The following NDUFB8 variants were observed in gnomAD, a reference collection of about 807,000 sequenced individuals.
NDUFB8 encodes the protein NADH:ubiquinone oxidoreductase subunit B8.
A neutral mutation model predicts 26.0 loss-of-function variants in NDUFB8; 17 were observed. The ratio of observed to expected loss-of-function variants is 0.65; its 90% CI spans 0.45 to 0.98. The LOEUF (loss-of-function observed/expected upper bound fraction) is 0.98, where lower values mean the gene tolerates loss of function less well. Ranked by LOEUF, NDUFB8 falls within the 50% of genes least tolerant of loss-of-function variation. NDUFB8 has a pLI of 0.00. For missense variants in NDUFB8, 238 were observed against 255.0 expected, an observed-to-expected ratio of 0.93 and a Z score of 0.45; for synonymous variants, 89 against 93.1, an observed-to-expected ratio of 0.96 and a Z score of 0.25.
chr10:100,526,873 G>A (rs1467038393), intron 3 of NDUFB8, 102 bp downstream of exon 3: 4 of 1,137,140 alleles, frequency 3.5e-6, no homozygotes, highest in African/African-American at 1.5e-5. Flanking sequence ...TCCTTGAGCA[G>A]GAAAGCTTAG....
rs371943326 is a variant in NDUFB8, at chr10:100,527,005, C to G, written c.282G>C (p.Gln94His). ...CACCCCAGTTCAACCTCAGGCCCGG[C>G]TGGTCCCAGCTATACCATGGATCTC... is the stretch of plus-strand genomic sequence containing the variant. ...HERDPWYSWD[Q>H]PGLRLNWGEP... is the part of the protein sequence containing the mutation. The change falls in exon 3 of 5, where the codon CAG becomes CAC. Residue 94 changes from glutamine to histidine, a missense_variant. Physicochemically the swap from Gln to His is conservative, Grantham distance 24. Coordinates refer to ENST00000299166, the MANE Select transcript of NDUFB8 (RefSeq NM_005004.4). The G allele has an allele frequency of 1.9e-6, 3 of 1,614,176 alleles. No individual in the cohort carries two copies. The highest frequency in any genetic ancestry group is 1.1e-5 in the South Asian group (1 of 91,074).
At position 100,523,841 on chromosome 10, in the gene NDUFB8, A is replaced by G. The variant is rs1353153402; in HGVS notation, c.557T>C (p.Ile186Thr). The change falls in exon 5 of 5, where the codon ATC (isoleucine) becomes ACC (threonine). Residue 186 changes from isoleucine to threonine, a missense_variant. By Grantham distance (89) the Ile-to-Thr change is moderately conservative (BLOSUM62 -1). Coordinates refer to ENST00000299166, the MANE Select transcript of NDUFB8 (RefSeq NM_005004.4). ...KEPERVVHYE[I>T] ...CCAAAAGCCCACGAAGCCTCCTCAG[A>G]TCTCATAGTGAACCACCCGCTCTGG... 6.2e-7 allele frequency: 1 copy of G among 1,613,922 alleles called. No individual in the cohort carries two copies. The highest frequency in any genetic ancestry group is 8.5e-7 in the Non-Finnish European group (1 of 1,179,954).
chr10:100,529,438 C>G lies in NDUFB8; in HGVS notation c.154G>C (p.Ala52Pro). Residue 52 changes from alanine to proline, a missense_variant, in exon 2 of 5, where the codon GCC becomes CCC. Transcript: ENST00000299166. Reference sequence around the variant, plus strand: ...TCCACACGCATATTATACTTCTTGGCGGCGGCGGCCCGTTCTTCTGGGGTC... The same window carrying G: ...TCCACACGCATATTATACTTCTTGGGGGCGGCGGCCCGTTCTTCTGGGGTC... ...PRTPEERAAA[A>P]KKYNMRVEDY... The G allele has an allele frequency of 6.2e-7, 1 of 1,612,544 alleles. No homozygotes were observed. Among genetic ancestry groups the G allele is most frequent in the Non-Finnish European group, 8.5e-7 (1 of 1,179,568 alleles).
intron 2 of NDUFB8, among the ~76,000 whole-genome samples, chr10:100,528,576 C>A (rs1202109454): frequency 6.6e-6 from 1 of 152,200 alleles, no homozygotes; most frequent in Non-Finnish European, 1.5e-5. Flanking sequence ...CTCATGGGAC[C>A]TCTTGCTAAG....
rs76195767 is a variant in NDUFB8, at chr10:100,524,680, G to A, written c.469-751C>T. Among the ~76,000 whole-genome samples the A allele has an allele frequency of 7.8e-3, 1,183 of 152,324 alleles. 26 individuals are homozygous for A. The highest frequency in any genetic ancestry group is 0.027 in the African/African-American group (1,107 of 41,562). On this transcript the variant is annotated intron_variant, in intron 4 of 4. Coordinates refer to ENST00000299166, the MANE Select transcript of NDUFB8 (RefSeq NM_005004.4). The surrounding 1 kb of genome is among the most constrained non-coding windows in gnomAD (Gnocchi z 4.0). Reference sequence around the variant, plus strand: ...TACCTTCAGGACATTGATTGTCTCTGCAGAGGTAGCACTGGGCAGCCAACT... The same window carrying A: ...TACCTTCAGGACATTGATTGTCTCTACAGAGGTAGCACTGGGCAGCCAACT...
At chr10:100,525,716 ACG>A (rs1491220862) in intron 4 of NDUFB8, among the ~76,000 whole-genome samples, 12 of 73,716 alleles carry the variant, frequency 1.6e-4, no homozygotes, top group Admixed American at 9.7e-4. Flanking sequence ...CTAAGCACAT[ACG>A]TGTGTGTGTG....
chr10:100,525,103 T>C (rs1852020814), intron 4 of NDUFB8, among the ~76,000 whole-genome samples: 1 of 152,168 alleles, frequency 6.6e-6, no homozygotes, highest in African/African-American at 2.4e-5. Flanking sequence ...TCTGGAACCC[T>C]ACTGTGATGC....
rs56705301 is a variant in NDUFB8 at position 100,525,615 on chromosome 10, C to CGT, written c.468+782_468+783dup. On this transcript the variant is annotated intron_variant, in intron 4 of 4. Transcript: ENST00000299166. ...TTCTCCAACTTCCCACCACCCAAAG[C>CGT]GTGTGTGTGTGTGTGTGTGTGTGTG... Among the ~76,000 whole-genome samples the CGT allele has an allele frequency of 2.3e-3, 229 of 100,154 alleles. 8 individuals are homozygous for CGT. The highest frequency in any genetic ancestry group is 6.7e-3 in the African/African-American group (177 of 26,242). 65.7% of individuals were successfully genotyped at this position (100,154 alleles called of 152,430 possible).
intron 2 of NDUFB8, among the ~76,000 whole-genome samples, chr10:100,528,743 G>A (rs533236575): frequency 6.6e-6 from 1 of 152,302 alleles, no homozygotes; most frequent in South Asian, 2.1e-4. Context: ...CTGAAACCAA[G>A]ATTGAAAGAG....
At chr10:100,527,377 C>T (rs1363500735) in intron 2 of NDUFB8, among the ~76,000 whole-genome samples, 1 of 152,120 alleles carries the variant, frequency 6.6e-6, no homozygotes, top group Non-Finnish European at 1.5e-5. Context: ...CTGAGGTGGG[C>T]AGATCACCTA....
chr10:100,525,626 G>A (rs1214469777), intron 4 of NDUFB8, among the ~76,000 whole-genome samples: 1 of 67,060 alleles, frequency 1.5e-5, no homozygotes, highest in Admixed American at 1.4e-4. Context: ...GTGTGTGTGT[G>A]TGTGTGTGTG....
At chr10:100,529,667 A>AC in intron 1 of NDUFB8, 100 bp downstream of exon 1, 1 of 1,539,090 alleles carries the variant, frequency 6.5e-7, no homozygotes, top group East Asian at 2.3e-5. Flanking sequence ...TCCACTCCCT[A>AC]CCCGGAGGCT....
Position 100,524,466 on chromosome 10 carries a change from C to T in NDUFB8, c.469-537G>A, listed in dbSNP as rs1475269608. On this transcript the variant is annotated intron_variant, in intron 4 of 4. Coordinates refer to ENST00000299166, the MANE Select transcript of NDUFB8 (RefSeq NM_005004.4). This position sits in a 1 kb window ranked among gnomAD's most constrained non-coding sequence, Gnocchi z 4.0. ...GCTGGCTTTACCAACAAACAGCTGT[C>T]AGAGAACACAGCTCAAGGGGAGGAG... 6.6e-6 allele frequency among the ~76,000 whole-genome samples: 1 copy of T among 152,014 alleles called. No homozygotes were observed. The highest frequency in any genetic ancestry group is 1.5e-5 in the Non-Finnish European group (1 of 68,006).
chr10:100,529,411 C>T lies in NDUFB8; in HGVS notation c.181G>A (p.Asp61Asn). The T allele has an allele frequency of 6.2e-7, 1 of 1,612,910 alleles. No individual in the cohort carries two copies. The highest frequency in any genetic ancestry group is 2.2e-5 in the East Asian group (1 of 44,832). ...AAKKYNMRVE[D>N]YEPYPDDGMG... Reference sequence around the variant, plus strand: ...CCATCATCCGGGTAAGGTTCGTAGTCTTCCACACGCATATTATACTTCTTG... The same window carrying T: ...CCATCATCCGGGTAAGGTTCGTAGTTTTCCACACGCATATTATACTTCTTG... Residue 61 changes from aspartate (D) to asparagine (N), a missense_variant, in exon 2 of 5, where the codon GAC (aspartate) becomes AAC (asparagine). Coordinates refer to ENST00000299166, the MANE Select transcript of NDUFB8 (RefSeq NM_005004.4).
At chr10:100,526,306 T>G in intron 4 of NDUFB8, 93 bp downstream of exon 4, 1 of 1,419,658 alleles carries the variant, frequency 7.0e-7, no homozygotes, top group Non-Finnish European at 9.3e-7. Flanking sequence ...AAGCCAAGCT[T>G]GGTATTGACT....
chr10:100,526,838 A>G, intron 3 of NDUFB8, 137 bp downstream of exon 3: 1 of 833,404 alleles, frequency 1.2e-6, no homozygotes, highest in East Asian at 2.7e-5. Flanking sequence ...ATGCAATCTC[A>G]GATCTCACAT....
chr10:100,523,794 G>A lies in NDUFB8; in HGVS notation c.*43C>T. The A allele has an allele frequency of 6.6e-7, 1 of 1,520,774 alleles. No individual in the cohort carries two copies. Among genetic ancestry groups the A allele is most frequent in the South Asian group, 1.1e-5 (1 of 88,484 alleles). The allele number at this position is 1,520,774 out of a possible 1,614,324, so 94.2% of individuals were successfully genotyped here. A position where few individuals can be genotyped will look rare whatever the true frequency, so the allele number is the denominator to read the frequency against. On this transcript the variant is annotated 3_prime_UTR_variant, in exon 5 of 5. Coordinates refer to ENST00000299166, the MANE Select transcript of NDUFB8 (RefSeq NM_005004.4). ...TCATTAAGGTTAAATTTCTAGGAAT[G>A]AGGGAGTCCTAGTTAGAGGACCCAA...
Position 100,527,000 on chromosome 10 carries a change from C to A in NDUFB8, c.287G>T (p.Gly96Val). ...RDPWYSWDQPGLRLNWGEPMH... is the reference protein window; with the variant it reads ...RDPWYSWDQPVLRLNWGEPMH... Reference sequence around the variant, plus strand: ...CGGTTCACCCCAGTTCAACCTCAGGCCCGGCTGGTCCCAGCTATACCATGG... The same window carrying A: ...CGGTTCACCCCAGTTCAACCTCAGGACCGGCTGGTCCCAGCTATACCATGG... Residue 96 changes from glycine to valine, a missense_variant, in exon 3 of 5, where the codon GGC (glycine) becomes GTC (valine). Gly to Val is a moderately radical substitution (Grantham distance 109). Coordinates refer to ENST00000299166, the MANE Select transcript of NDUFB8 (RefSeq NM_005004.4). 3.1e-6 allele frequency: 5 copies of A among 1,614,166 alleles called. No individual in the cohort carries two copies. The highest frequency in any genetic ancestry group is 4.2e-6 in the Non-Finnish European group (5 of 1,180,030).
rs1852077966 is a variant in NDUFB8, at chr10:100,527,814, T to C, written c.213-740A>G. 2.0e-5 allele frequency among the ~76,000 whole-genome samples: 3 copies of C among 152,180 alleles called. No homozygotes were observed. The South Asian group carries it at 6.2e-4, about 31-fold the overall frequency. On this transcript the variant is annotated intron_variant, in intron 2 of 4. Transcript: ENST00000299166. The stretch of plus-strand genomic sequence containing the variant: ...AAAGCTGCCCTATACATATGTACCA[T>C]TTTTTATCTTTTTCTCTTTTTTGAG...
Sources: allele counts gnomAD v4.1 joint callset (sites outside exome capture counted in the v4.1 genomes callset), GRCh38; gene constraint gnomAD v4.1.1; non-coding constraint Gnocchi (gnomAD v3.1); transcripts MANE v1.5; gene names NCBI Gene and HGNC (gene_info 2026-07-23, HGNC 2026-07-21).